The following DNAJC1 variants were observed in gnomAD, a reference collection of about 807,000 sequenced individuals.
The protein encoded by DNAJC1 is dnaJ homolog subfamily C member 1.
DNAJC1 carries 58 observed loss-of-function variants against 76.6 expected under a neutral mutation model. That is an observed-to-expected ratio of 0.76 (90% CI 0.61 to 0.94). DNAJC1 has a LOEUF of 0.94. DNAJC1 is among the 40% of genes least tolerant of loss of function. The probability of loss-of-function intolerance (pLI) is 0.00; values close to 1 mark genes in which losing one functional copy is unlikely to be tolerated. For synonymous variants in DNAJC1, 258 were observed against 267.9 expected (o/e 0.96, Z 0.36); for missense variants, 689 against 677.3 (o/e 1.02, Z -0.19).
At chr10:21,981,118 G>T (rs78535512) in intron 1 of DNAJC1, among the ~76,000 whole-genome samples, 11 of 152,226 alleles carry the variant, frequency 7.2e-5, no homozygotes, top group South Asian at 2.1e-4. Flanking sequence ...GCCTAATTCA[G>T]CATGTAAACA....
At chr10:21,963,368 G>T (rs915164240) in intron 1 of DNAJC1, among the ~76,000 whole-genome samples, 2 of 152,172 alleles carry the variant, frequency 1.3e-5, no homozygotes. Flanking sequence ...CATGCAAGGT[G>T]TGTAAGGAAA....
At chr10:21,957,082 G>A (rs1837700650) in intron 1 of DNAJC1, among the ~76,000 whole-genome samples, 1 of 151,894 alleles carries the variant, frequency 6.6e-6, no homozygotes. Context: ...AGTAGAGACA[G>A]GGTTTCACCA....
intron 1 of DNAJC1, among the ~76,000 whole-genome samples, chr10:21,983,189 A>G (rs1590079045): frequency 6.6e-6 from 1 of 152,242 alleles, no homozygotes; most frequent in African/African-American, 2.4e-5. Context: ...ATTATTCACA[A>G]TAGCCAAAGC....
intron 8 of DNAJC1, among the ~76,000 whole-genome samples, chr10:21,852,416 G>A (rs1308900400): frequency 1.3e-5 from 2 of 152,124 alleles, no homozygotes; most frequent in Non-Finnish European, 2.9e-5. Context: ...GGACAACACT[G>A]TGAATGTCCT....
chr10:21,846,653 G>A (rs1227392415), intron 8 of DNAJC1, among the ~76,000 whole-genome samples: 2 of 152,068 alleles, frequency 1.3e-5, no homozygotes, highest in Non-Finnish European at 2.9e-5. Flanking sequence ...GTTACAAAGA[G>A]TATTAGCGAG....
At chr10:21,793,301 T>A (rs901737893) in intron 9 of DNAJC1, among the ~76,000 whole-genome samples, 1 of 152,068 alleles carries the variant, frequency 6.6e-6, no homozygotes, top group Non-Finnish European at 1.5e-5. Flanking sequence ...GCGCTCCATC[T>A]CAGGGGTTGG....
At chr10:21,772,728 A>G (rs910484195) in intron 9 of DNAJC1, among the ~76,000 whole-genome samples, 10 of 151,534 alleles carry the variant, frequency 6.6e-5, no homozygotes, top group South Asian at 2.1e-4. Context: ...ATTGTTCTCT[A>G]TTTCTTCCAT....
intron 1 of DNAJC1, among the ~76,000 whole-genome samples, chr10:21,982,138 C>T (rs1438624048): frequency 6.6e-6 from 1 of 152,166 alleles, no homozygotes; most frequent in African/African-American, 2.4e-5. Flanking sequence ...CATTCTGTAA[C>T]GAAGTCTCTT....
intron 3 of DNAJC1, among the ~76,000 whole-genome samples, chr10:21,921,328 T>C (rs996542086): frequency 3.9e-5 from 6 of 151,920 alleles, no homozygotes; most frequent in African/African-American, 1.4e-4. Context: ...AGGATCTCAA[T>C]AGGAGAAAGA....
chr10:21,898,140 G>A (rs1264341634), intron 7 of DNAJC1, among the ~76,000 whole-genome samples: 1 of 152,006 alleles, frequency 6.6e-6, no homozygotes, highest in African/African-American at 2.4e-5. Context: ...AGAGAAGCAG[G>A]TATAAACCTA....
chr10:21,763,111 A>G (rs1041335247), intron 10 of DNAJC1, among the ~76,000 whole-genome samples: 1 of 152,088 alleles, frequency 6.6e-6, no homozygotes, highest in African/African-American at 2.4e-5. Context: ...TTGTAGTTTT[A>G]GTAGAGACCG....
rs568864252 is a variant in DNAJC1 at position 21,848,680 on chromosome 10, C to A, written c.978+33602G>T. On this transcript the variant is annotated intron_variant, in intron 8 of 11. Transcript: ENST00000376980. Reference sequence around the variant, plus strand: ...CAATCCATCCAATAACAGCAGAATACACATTCTTCTCCAGTGCACATGGAA... The same window carrying A: ...CAATCCATCCAATAACAGCAGAATAAACATTCTTCTCCAGTGCACATGGAA... 1.9e-3 allele frequency among the ~76,000 whole-genome samples: 289 copies of A among 152,266 alleles called. 2 individuals carry two copies. The highest frequency in any genetic ancestry group is 0.01 in the Middle Eastern group (3 of 294).
rs143403047 is a variant in DNAJC1 at position 21,900,521 on chromosome 10, A to C, written c.820+4001T>G. Among the ~76,000 whole-genome samples, 18 of 152,284 alleles carry C rather than the reference A, an allele frequency of 1.2e-4. No individual in the cohort carries two copies. In the East Asian group the frequency reaches 3.5e-3, roughly 29 times the overall value. On this transcript the variant is annotated intron_variant, in intron 7 of 11. Transcript: ENST00000376980. ...GATTTGAAATATTAAGGGAATTGTA[A>C]ATTTATATTTGAGTTGTATGATTTT...
chr10:21,831,959 A>G (rs1349550486), intron 8 of DNAJC1, among the ~76,000 whole-genome samples: 1 of 152,186 alleles, frequency 6.6e-6, no homozygotes, highest in Non-Finnish European at 1.5e-5. Flanking sequence ...TATAAAACTT[A>G]GGTGGATACC....
chr10:21,951,056 G>C (rs1319497074), intron 1 of DNAJC1, among the ~76,000 whole-genome samples: 3 of 152,086 alleles, frequency 2.0e-5, no homozygotes, highest in Non-Finnish European at 4.4e-5. Flanking sequence ...AAGTAATCTA[G>C]ATGGCCAGGC....
intron 8 of DNAJC1, among the ~76,000 whole-genome samples, chr10:21,842,165 T>C (rs1156259062): frequency 6.7e-6 from 1 of 149,820 alleles, no homozygotes; most frequent in Non-Finnish European, 1.5e-5. Flanking sequence ...AGTTAATGGG[T>C]GCAGCACACC....
chr10:21,851,627 C>T (rs1835755538), intron 8 of DNAJC1, among the ~76,000 whole-genome samples: 1 of 152,166 alleles, frequency 6.6e-6, no homozygotes, highest in Non-Finnish European at 1.5e-5. Flanking sequence ...CTAGCAATTC[C>T]AATCAGGTAT....
chr10:21,780,469 C>T (rs947868897), intron 9 of DNAJC1, among the ~76,000 whole-genome samples: 1 of 152,164 alleles, frequency 6.6e-6, no homozygotes, highest in African/African-American at 2.4e-5. Flanking sequence ...GAATTTTCAA[C>T]CCAGAATTTC....
intron 7 of DNAJC1, among the ~76,000 whole-genome samples, chr10:21,889,244 A>G (rs1184445848): frequency 6.6e-6 from 1 of 152,174 alleles, no homozygotes; most frequent in Non-Finnish European, 1.5e-5. Flanking sequence ...GCTTTTAAAC[A>G]AGCAGATCTC....
Sources: allele counts gnomAD v4.1 joint callset (sites outside exome capture counted in the v4.1 genomes callset), GRCh38; gene constraint gnomAD v4.1.1; transcripts MANE v1.5; gene names NCBI Gene and HGNC (gene_info 2026-07-23, HGNC 2026-07-21).